The following CACNA1C variants were observed in gnomAD, a reference collection of about 807,000 sequenced individuals.
CACNA1C encodes calcium voltage-gated channel subunit alpha1 C.
CACNA1C carries 30 observed loss-of-function variants against 229.0 expected under a neutral mutation model. The ratio of observed to expected loss-of-function variants is 0.13; its 90% confidence interval spans 0.10 to 0.18. CACNA1C has a LOEUF of 0.18. Among genes scored for constraint, CACNA1C ranks in the 10% least tolerant of loss-of-function variants. The pLI is 1.00. For missense variants in CACNA1C, 1,658 were observed against 2,845.0 expected (o/e 0.58, Z 9.49); for synonymous variants, 1,114 against 1,132.5 (o/e 0.98, Z 0.33).
At position 2,565,332 on chromosome 12, in the gene CACNA1C, T is replaced by G. The variant is rs574254422; in HGVS notation, c.1509-1090T>G. On this transcript the variant is annotated intron_variant, in intron 11 of 46. Coordinates refer to ENST00000399655, the MANE Select transcript of CACNA1C (RefSeq NM_000719.7). Reference sequence around the variant, plus strand: ...AATACAAAAAATTAGCCGGGCGCGGTGGCGGGCGCCTGTAGTCCCAGCTAC... The same window carrying G: ...AATACAAAAAATTAGCCGGGCGCGGGGGCGGGCGCCTGTAGTCCCAGCTAC... Among the ~76,000 whole-genome samples the G allele has an allele frequency of 5.3e-5, 8 of 151,714 alleles. No homozygotes were observed. The East Asian group carries it at 1.4e-3, about 26-fold the overall frequency.
At chr12:2,682,782 GGA>G in intron 43 of CACNA1C, 104 bp downstream of exon 43, 1 of 1,113,012 alleles carries the variant, frequency 9.0e-7, no homozygotes, top group Non-Finnish European at 1.2e-6. Context: ...GATTGCAGGA[GGA>G]GAGGAGATCA....
At chr12:2,000,767 G>A in intron 1 of CACNA1C, among the ~76,000 whole-genome samples, 1 of 152,138 alleles carries the variant, frequency 6.6e-6, no homozygotes, top group East Asian at 1.9e-4. Flanking sequence ...CCGGGCACAG[G>A]GGCTCACGCC....
intron 34 of CACNA1C, among the ~76,000 whole-genome samples, chr12:2,662,852 A>C (rs1048452047): frequency 2.0e-5 from 3 of 152,210 alleles, no homozygotes; most frequent in Admixed American, 6.5e-5. Context: ...CGCAAATACA[A>C]CTTACGGCAG....
chr12:2,612,121 T>C (rs2078126297), intron 29 of CACNA1C, 108 bp downstream of exon 29: 1 of 710,318 alleles, frequency 1.4e-6, no homozygotes, highest in Admixed American at 2.0e-5. Flanking sequence ...GAAAAAGGCA[T>C]CGGTGAAGGA....
At chr12:2,064,279 G>GTCTGTC (rs2058554236) in intron 1 of CACNA1C, among the ~76,000 whole-genome samples, 1 of 152,226 alleles carries the variant, frequency 6.6e-6, no homozygotes, top group African/African-American at 2.4e-5. Flanking sequence ...AAGCTATTTA[G>GTCTGTC]TCTGTCTCTG....
At chr12:2,233,078 C>T (rs1232055281) in intron 3 of CACNA1C, among the ~76,000 whole-genome samples, 2 of 152,152 alleles carry the variant, frequency 1.3e-5, no homozygotes, top group African/African-American at 4.8e-5. Context: ...AAACCAAGAC[C>T]TGGGCACTAG....
chr12:2,412,825 C>T (rs2098823335), intron 3 of CACNA1C, among the ~76,000 whole-genome samples: 2 of 152,074 alleles, frequency 1.3e-5, no homozygotes, highest in Admixed American at 6.5e-5. Flanking sequence ...ATGTTGAGTA[C>T]GTAGCAGAGA....
intron 3 of CACNA1C, among the ~76,000 whole-genome samples, chr12:2,379,830 G>C (rs1323367445): frequency 4.0e-5 from 6 of 151,532 alleles, no homozygotes; most frequent in Non-Finnish European, 8.8e-5. Flanking sequence ...AGGAGATCGA[G>C]ACCATCCCGG....
intron 3 of CACNA1C, among the ~76,000 whole-genome samples, chr12:2,162,288 C>T (rs781002859): frequency 3.3e-5 from 5 of 151,886 alleles, no homozygotes; most frequent in Non-Finnish European, 7.4e-5. Context: ...TGTCCCCTCC[C>T]GCTGAACCTA....
intron 9 of CACNA1C, among the ~76,000 whole-genome samples, chr12:2,533,907 C>T (rs953112846): frequency 6.6e-6 from 1 of 152,178 alleles, no homozygotes; most frequent in Admixed American, 6.5e-5. Flanking sequence ...CATGTGAGCG[C>T]TTGAACAGCC....
chr12:2,057,343 G>A (rs945093280), intron 1 of CACNA1C, among the ~76,000 whole-genome samples: 4 of 152,222 alleles, frequency 2.6e-5, no homozygotes, highest in Non-Finnish European at 5.9e-5. Context: ...ATGAATGAAT[G>A]CGACCTGGCC....
intron 2 of CACNA1C, among the ~76,000 whole-genome samples, chr12:2,120,102 G>A (rs1395186147): frequency 2.0e-5 from 3 of 152,334 alleles, no homozygotes; most frequent in East Asian, 3.9e-4. Context: ...ACTCTGGCAC[G>A]CGACTGGCCT....
intron 34 of CACNA1C, among the ~76,000 whole-genome samples, chr12:2,663,735 C>CTTTTTTTTTT (rs55933898): frequency 9.6e-6 from 1 of 103,890 alleles, no homozygotes; most frequent in African/African-American, 4.0e-5. Context: ...AATAGAGTAT[C>CTTTTTTTTTT]TTTTTTTTTT....
At chr12:2,250,139 C>G (rs757074271) in intron 3 of CACNA1C, among the ~76,000 whole-genome samples, 4 of 152,204 alleles carry the variant, frequency 2.6e-5, no homozygotes, top group Non-Finnish European at 4.4e-5. Context: ...TCCTCAAGGA[C>G]AAGGATGCAT....
chr12:2,310,264 G>A (rs1242660144), intron 3 of CACNA1C, among the ~76,000 whole-genome samples: 1 of 151,692 alleles, frequency 6.6e-6, no homozygotes. Flanking sequence ...TTTGACTCCA[G>A]GGCCTACATT....
At chr12:2,064,511 T>C (rs2058654334) in intron 1 of CACNA1C, among the ~76,000 whole-genome samples, 1 of 152,206 alleles carries the variant, frequency 6.6e-6, no homozygotes, top group Non-Finnish European at 1.5e-5. Context: ...GATCTCTGCC[T>C]TCAGCCTGAA....
intron 3 of CACNA1C, among the ~76,000 whole-genome samples, chr12:2,255,386 G>A (rs1194384971): frequency 6.6e-6 from 1 of 152,120 alleles, no homozygotes; most frequent in Non-Finnish European, 1.5e-5. Context: ...GTGACAGGCA[G>A]GCCCTCTCTC....
intron 5 of CACNA1C, among the ~76,000 whole-genome samples, chr12:2,484,232 A>G (rs1173537811): frequency 6.6e-6 from 1 of 152,218 alleles, no homozygotes. Flanking sequence ...CCCTGGGGAA[A>G]CAGATGCTTG....
At chr12:2,235,651 A>G (rs150543821) in intron 3 of CACNA1C, among the ~76,000 whole-genome samples, 4 of 152,186 alleles carry the variant, frequency 2.6e-5, no homozygotes, top group African/African-American at 7.2e-5. Context: ...GGTGCAGTGT[A>G]TTACGCTTCA....
Sources: gnomAD v4.1 joint callset for allele counts (sites outside exome capture counted in the v4.1 genomes callset) on GRCh38, gnomAD v4.1.1 for gene constraint, MANE v1.5 for transcripts, NCBI Gene and HGNC (gene_info 2026-07-23, HGNC 2026-07-21) for gene names.